The following HSD17B12 variants were observed in gnomAD, a reference collection of about 807,000 sequenced individuals.
HSD17B12 encodes hydroxysteroid 17-beta dehydrogenase 12, also known as very-long-chain 3-oxoacyl-CoA reductase.
Under a neutral mutation model 39.3 loss-of-function variants are expected in HSD17B12, and 32 were observed. That is an observed-to-expected ratio of 0.81 (90% CI 0.61 to 1.09). HSD17B12 has a LOEUF of 1.09. HSD17B12 is among the 50% of genes least tolerant of loss of function. HSD17B12 has a pLI of 0.00. For missense variants in HSD17B12, 342 were observed against 382.9 expected, an observed-to-expected ratio of 0.89 and a Z score of 0.89; for synonymous variants, 150 against 146.7, an observed-to-expected ratio of 1.02 and a Z score of -0.16.
chr11:43,755,905 C>T (rs1298627392), intron 3 of HSD17B12, among the ~76,000 whole-genome samples: 2 of 152,192 alleles, frequency 1.3e-5, no homozygotes, highest in East Asian at 3.8e-4. Context: ...AATAGATACA[C>T]ATGGCTGAGG....
At chr11:43,682,790 C>T (rs1394826914) in intron 1 of HSD17B12, among the ~76,000 whole-genome samples, 2 of 147,072 alleles carry the variant, frequency 1.4e-5, no homozygotes, top group South Asian at 2.1e-4. Flanking sequence ...CTTTTCTTTT[C>T]TTTTTTTTTT....
chr11:43,701,717 T>C lies in HSD17B12; in HGVS notation c.160+20730T>C, dbSNP rs115974585. On this transcript the variant is annotated intron_variant, in intron 1 of 10. Coordinates refer to ENST00000278353, the MANE Select transcript of HSD17B12 (RefSeq NM_016142.3). ...CTGCTTTTATGCCCATACCATGCTG[T>C]TTTAGTTATTATACCTCTGTAGTAT... 6.2e-3 allele frequency among the ~76,000 whole-genome samples: 948 copies of C among 152,312 alleles called. 16 individuals carry two copies. The highest frequency in any genetic ancestry group is 0.021 in the African/African-American group (889 of 41,576).
intron 3 of HSD17B12, among the ~76,000 whole-genome samples, chr11:43,764,880 G>A (rs1037456644): frequency 3.8e-4 from 57 of 151,988 alleles, no homozygotes; most frequent in Middle Eastern, 3.4e-3. Context: ...CCTTTTAATC[G>A]GGGTCCCCAG....
At chr11:43,728,048 T>G (rs181185922) in intron 1 of HSD17B12, among the ~76,000 whole-genome samples, 36 of 146,524 alleles carry the variant, frequency 2.5e-4, no homozygotes, top group East Asian at 1.6e-3. Flanking sequence ...TGTGATTCTG[T>G]TTTTTTTTTG....
At chr11:43,810,367 TTATATA>T (rs59970877) in intron 4 of HSD17B12, among the ~76,000 whole-genome samples, 2,515 of 59,528 alleles carry the variant, frequency 0.042, 120 homozygotes, top group African/African-American at 0.14. Context: ...AATTTAGAAA[TTATATA>T]TATATATATA....
At chr11:43,793,574 G>C (rs1199523156) in intron 3 of HSD17B12, among the ~76,000 whole-genome samples, 1 of 152,194 alleles carries the variant, frequency 6.6e-6, no homozygotes, top group Non-Finnish European at 1.5e-5. Context: ...TGAAAATGAT[G>C]ATGGCCAGAG....
intron 3 of HSD17B12, among the ~76,000 whole-genome samples, chr11:43,790,839 CA>C (rs1273745550): frequency 6.6e-6 from 1 of 151,564 alleles, no homozygotes; most frequent in Non-Finnish European, 1.5e-5. Flanking sequence ...TAAAAAAATA[CA>C]AAAATTAACA....
chr11:43,723,118 G>T (rs947385249), intron 1 of HSD17B12, among the ~76,000 whole-genome samples: 1 of 152,116 alleles, frequency 6.6e-6, no homozygotes, highest in Non-Finnish European at 1.5e-5. Context: ...ATTAAAAAAA[G>T]GTGGCATGTT....
chr11:43,690,373 TATATATATATATATATATA>T (rs1949843675), intron 1 of HSD17B12, among the ~76,000 whole-genome samples: 1 of 14,200 alleles, frequency 7.0e-5, no homozygotes, highest in Non-Finnish European at 1.1e-4. Flanking sequence ...TATATATATA[TATATATATATATATATATA>T]TATATATATA....
At chr11:43,807,497 A>T (rs1025695154) in intron 4 of HSD17B12, among the ~76,000 whole-genome samples, 7 of 152,236 alleles carry the variant, frequency 4.6e-5, no homozygotes, top group Non-Finnish European at 1.0e-4. Context: ...GATTCTGGAG[A>T]TTAAGCAGAC....
intron 1 of HSD17B12, among the ~76,000 whole-genome samples, chr11:43,710,633 C>G (rs979707216): frequency 6.6e-6 from 1 of 151,980 alleles, no homozygotes; most frequent in African/African-American, 2.4e-5. Flanking sequence ...ATAACTGACT[C>G]TAGAGGGTGC....
At chr11:43,822,920 A>G (rs1274314648) in intron 6 of HSD17B12, among the ~76,000 whole-genome samples, 1 of 152,152 alleles carries the variant, frequency 6.6e-6, no homozygotes, top group African/African-American at 2.4e-5. Context: ...GACTTCCACA[A>G]TGGTTGAACT....
intron 1 of HSD17B12, among the ~76,000 whole-genome samples, chr11:43,744,022 AAGT>A (rs1264043962): frequency 2.6e-5 from 4 of 152,214 alleles, no homozygotes; most frequent in African/African-American, 9.6e-5. Context: ...AGATTCTTCA[AAGT>A]AGCAAAATTG....
intron 3 of HSD17B12, among the ~76,000 whole-genome samples, chr11:43,759,325 A>G (rs1475013397): frequency 2.0e-5 from 3 of 152,164 alleles, no homozygotes; most frequent in Non-Finnish European, 4.4e-5. Context: ...AAAATTTTGA[A>G]TGGATTATAT....
intron 9 of HSD17B12, among the ~76,000 whole-genome samples, chr11:43,848,853 G>C (rs1273750638): frequency 1.3e-5 from 2 of 151,912 alleles, no homozygotes; most frequent in African/African-American, 4.8e-5. Flanking sequence ...CCCACTATTT[G>C]ACTACTTCTC....
At chr11:43,787,097 A>C (rs879677188) in intron 3 of HSD17B12, among the ~76,000 whole-genome samples, 2 of 152,042 alleles carry the variant, frequency 1.3e-5, no homozygotes, top group Non-Finnish European at 2.9e-5. Flanking sequence ...ATGTACCACC[A>C]TGTCAGGCTA....
intron 9 of HSD17B12, among the ~76,000 whole-genome samples, chr11:43,851,802 C>G (rs558873765): frequency 6.6e-6 from 1 of 152,282 alleles, no homozygotes; most frequent in East Asian, 1.9e-4. Context: ...GAAATGGATA[C>G]TGCCCAGTGA....
the HSD17B12 span, among the ~76,000 whole-genome samples, chr11:43,654,253 T>C: frequency 6.6e-6 from 1 of 152,252 alleles, no homozygotes; most frequent in Non-Finnish European, 1.5e-5. Flanking sequence ...TTTGCTTTTT[T>C]CTTGTAAATT....
the HSD17B12 span, among the ~76,000 whole-genome samples, chr11:43,595,662 C>CA: frequency 0.029 from 4,424 of 150,700 alleles, 83 homozygotes; most frequent in Middle Eastern, 0.11. Flanking sequence ...TTAACACCAA[C>CA]AAAAAAAAAT....
Sources: gnomAD v4.1 joint callset for allele counts (sites outside exome capture counted in the v4.1 genomes callset) on GRCh38, gnomAD v4.1.1 for gene constraint, MANE v1.5 for transcripts, NCBI Gene and HGNC (gene_info 2026-07-23, HGNC 2026-07-21) for gene names.